Variants in METTL6 observed in about 807,000 individuals in gnomAD.
METTL6 encodes methyltransferase 6, tRNA N3-cytidine.
In METTL6, 22 loss-of-function variants were observed where a neutral mutation model predicts 26.4. That is an observed-to-expected ratio of 0.83 (90% CI 0.59 to 1.19). The LOEUF (loss-of-function observed/expected upper bound fraction) is 1.19, where lower values mean the gene tolerates loss of function less well. Ranked by LOEUF, METTL6 falls within the 50% of genes most tolerant of loss-of-function variation. METTL6 has a pLI of 0.00. For missense variants in METTL6, 304 were observed against 324.8 expected, an observed-to-expected ratio of 0.94 and a Z score of 0.49; for synonymous variants, 109 against 116.2, an observed-to-expected ratio of 0.94 and a Z score of 0.40.
downstream of METTL6, among the ~76,000 whole-genome samples, chr3:15,407,769 A>G (rs576067199): frequency 3.7e-3 from 557 of 152,290 alleles, 8 homozygotes; most frequent in Middle Eastern, 0.065. Context: ...ATGTTAAGCT[A>G]TATTATCAGA....
At chr3:15,401,405 C>T (rs973170212) in intron 6 of METTL6, among the ~76,000 whole-genome samples, 2 of 151,494 alleles carry the variant, frequency 1.3e-5, no homozygotes, top group African/African-American at 4.9e-5. Flanking sequence ...AATTCCTGGG[C>T]TCAGCTGATC....
At chr3:15,390,857 C>T (rs1317135718) in intron 6 of METTL6, among the ~76,000 whole-genome samples, 1 of 149,108 alleles carries the variant, frequency 6.7e-6, no homozygotes, top group Non-Finnish European at 1.5e-5. Flanking sequence ...GAGGATTTTA[C>T]TGGGCGATGA....
downstream of METTL6, among the ~76,000 whole-genome samples, chr3:15,407,952 T>C (rs1302555457): frequency 3.3e-5 from 5 of 152,202 alleles, no homozygotes; most frequent in African/African-American, 1.2e-4. Context: ...TTCTTTACAC[T>C]GACAACTAGG....
At chr3:15,399,246 C>T (rs1271282345) in intron 6 of METTL6, 3 of 151,686 alleles carry the variant, frequency 2.0e-5, no homozygotes, top group African/African-American at 7.3e-5. Flanking sequence ...AATAATCCAC[C>T]CCTTGTTTAG....
intron 3 of METTL6, among the ~76,000 whole-genome samples, chr3:15,418,296 G>T (rs1006839733): frequency 1.3e-5 from 2 of 152,050 alleles, no homozygotes; most frequent in East Asian, 1.9e-4. Flanking sequence ...AGACTCTAAT[G>T]GAAAAGACAG....
rs1314652087 is a variant in METTL6, at chr3:15,409,927, C to T, written c.*1329G>A. On this transcript the variant is annotated 3_prime_UTR_variant, in exon 6 of 6. Transcript: ENST00000383790. ...ATATATATGAGTGTCTTATTTTAGTCTACTTGGCCTCATTTTTCCCCATGG... is the reference window on the plus strand; with the variant it reads ...ATATATATGAGTGTCTTATTTTAGTTTACTTGGCCTCATTTTTCCCCATGG... Among the ~76,000 whole-genome samples, 2 of 152,192 alleles carry T rather than the reference C, an allele frequency of 1.3e-5. No individual in the cohort carries two copies. The highest frequency in any genetic ancestry group is 2.9e-5 in the Non-Finnish European group (2 of 68,034).
chr3:15,415,405 C>T (rs924989215), intron 4 of METTL6: 4 of 1,257,914 alleles, frequency 3.2e-6, no homozygotes, highest in African/African-American at 1.5e-5. Flanking sequence ...GATTCACCTG[C>T]CTTGGCATCC....
At chr3:15,407,280 A>G (rs950458799), downstream of METTL6, among the ~76,000 whole-genome samples, 3 of 152,132 alleles carry the variant, frequency 2.0e-5, no homozygotes, top group African/African-American at 7.2e-5. Context: ...CCAGCCTCCC[A>G]AAGTGCTGGG....
intron 3 of METTL6, among the ~76,000 whole-genome samples, chr3:15,417,083 G>A (rs926647258): frequency 6.6e-6 from 1 of 152,178 alleles, no homozygotes; most frequent in African/African-American, 2.4e-5. Context: ...GAAGTGAAAG[G>A]ATCGCTTGAG....
upstream of METTL6, chr3:15,427,558 C>G: frequency 5.4e-6 from 3 of 553,086 alleles, no homozygotes; most frequent in Non-Finnish European, 9.7e-6. Flanking sequence ...GAAGTTCCTA[C>G]CCGACGCCGG....
intron 6 of METTL6, among the ~76,000 whole-genome samples, chr3:15,388,132 T>C (rs1182768112): frequency 3.3e-5 from 5 of 151,608 alleles, no homozygotes; most frequent in Non-Finnish European, 7.4e-5. Flanking sequence ...GTTTTTGAGA[T>C]GGAGTTTCGC....
At chr3:15,403,164 G>A (rs555950041) in intron 6 of METTL6, among the ~76,000 whole-genome samples, 2 of 152,114 alleles carry the variant, frequency 1.3e-5, no homozygotes, top group East Asian at 3.9e-4. Flanking sequence ...TTTTTTGTAG[G>A]GGTCTCATTA....
exon 7 of METTL6, chr3:15,381,749 T>C (rs1044991620): frequency 2.6e-5 from 4 of 152,186 alleles, no homozygotes; most frequent in Non-Finnish European, 5.9e-5. Context: ...GTCACTGTTA[T>C]AGCCATAGCT....
In METTL6 at chr3:15,411,116, A is replaced by G. The variant is rs1432422627; in HGVS notation, c.*140T>C. 71 of 916,122 alleles carry G rather than the reference A, an allele frequency of 7.8e-5. No individual in the cohort carries two copies. Among genetic ancestry groups the G allele is most frequent in the Non-Finnish European group, 1.1e-4 (68 of 627,140 alleles). 56.7% of individuals were successfully genotyped at this position (916,122 alleles called of 1,614,324 possible). On this transcript the variant is annotated 3_prime_UTR_variant, in exon 6 of 6. Transcript: ENST00000383790. ...CACCATGTTGGCCAGGCTGGTCTCA[A>G]ACTCCTGACCTCAGATGATCCCCCA...
At chr3:15,414,502 C>G (rs764853728) in intron 4 of METTL6, 13 of 326,996 alleles carry the variant, frequency 4.0e-5, no homozygotes, top group Non-Finnish European at 6.1e-5. Context: ...ATTATAGGTG[C>G]CCGCCACCAT....
At chr3:15,413,800 A>G in intron 5 of METTL6, 1 of 1,473,706 alleles carries the variant, frequency 6.8e-7, no homozygotes, top group South Asian at 1.2e-5. Context: ...CAAGCTCATT[A>G]GGGGAGTCAC....
rs916641970 is a variant in METTL6, at chr3:15,397,676, T to A, written c.*12-13489A>T. On this transcript the variant is annotated intron_variant, in intron 6 of 6. Transcript: ENST00000443029. Reference sequence around the variant, plus strand: ...CTTTAGGAGACATTTAGTTTATAGTTTAAATTATAATAGCCCTTCCCCCAA... The same window carrying A: ...CTTTAGGAGACATTTAGTTTATAGTATAAATTATAATAGCCCTTCCCCCAA... Among the ~76,000 whole-genome samples, 6 of 152,156 alleles carry A rather than the reference T, an allele frequency of 3.9e-5. 1 individual carries two copies. The highest frequency in any genetic ancestry group is 3.9e-4 in the Admixed American group (6 of 15,272).
chr3:15,387,970 A>G (rs190778646), intron 6 of METTL6, among the ~76,000 whole-genome samples: 2 of 152,148 alleles, frequency 1.3e-5, no homozygotes, highest in East Asian at 3.9e-4. Context: ...GACAGAGCCA[A>G]TTTATCAAGA....
chr3:15,424,921 G>GA (rs2061684533), intron 3 of METTL6, 34 bp downstream of exon 3: 1 of 1,609,638 alleles, frequency 6.2e-7, no homozygotes, highest in Admixed American at 1.7e-5. Context: ...CAAGAAAACA[G>GA]AAACACAGCA....
Sources: allele counts gnomAD v4.1 joint callset (sites outside exome capture counted in the v4.1 genomes callset), GRCh38; gene constraint gnomAD v4.1.1; transcripts MANE v1.5; gene names NCBI Gene and HGNC (gene_info 2026-07-23, HGNC 2026-07-21).